The following RIMKLB variants were observed in gnomAD, a reference collection of about 807,000 sequenced individuals.
The protein encoded by RIMKLB is beta-citrylglutamate synthase B.
A neutral mutation model predicts 32.0 loss-of-function variants in RIMKLB; 7 were observed. The ratio of observed to expected loss-of-function variants is 0.22; its 90% CI spans 0.12 to 0.41. The LOEUF is 0.41. Ranked by LOEUF, RIMKLB falls within the 10% of genes least tolerant of loss-of-function variation. RIMKLB has a pLI of 1.00. For synonymous variants in RIMKLB, 172 were observed against 185.1 expected (o/e 0.93, Z 0.57); for missense variants, 289 against 498.7 (o/e 0.58, Z 4.00).
chr12:8,767,642 C>A (rs1950078582), intron 5 of RIMKLB, among the ~76,000 whole-genome samples: 1 of 152,180 alleles, frequency 6.6e-6, no homozygotes, highest in African/African-American at 2.4e-5. Context: ...GCGCCATGAT[C>A]TCAACCGGCT....
upstream of RIMKLB, among the ~76,000 whole-genome samples, chr12:8,678,135 A>G (rs1437108255): frequency 6.6e-6 from 1 of 151,386 alleles, no homozygotes; most frequent in East Asian, 1.9e-4. Flanking sequence ...CAGTTCTTCA[A>G]AAGCTCAGAA....
At position 8,699,080 on chromosome 12, in the gene RIMKLB, T is replaced by C. The variant is rs942771753; in HGVS notation, c.-57+783T>C. On this transcript the variant is annotated intron_variant, in intron 1 of 5. Coordinates refer to ENST00000535829, the MANE Select transcript of RIMKLB (RefSeq NM_001297776.2). Reference sequence around the variant, plus strand: ...TCCCATTTGTATTGGCGAATAGCGATGGGGTGGTAATTCTGTTCTGTGAGG... The same window carrying C: ...TCCCATTTGTATTGGCGAATAGCGACGGGGTGGTAATTCTGTTCTGTGAGG... 2.0e-5 allele frequency among the ~76,000 whole-genome samples: 3 copies of C among 152,152 alleles called. No homozygotes were observed. In the South Asian group the frequency reaches 6.2e-4, roughly 32 times the overall value.
At chr12:8,769,831 G>A (rs1043972845) in intron 5 of RIMKLB, among the ~76,000 whole-genome samples, 1 of 152,100 alleles carries the variant, frequency 6.6e-6, no homozygotes, top group African/African-American at 2.4e-5. Flanking sequence ...CTTTCCCCTG[G>A]TGTTCCTTGT....
chr12:8,761,866 G>T (rs929598365), intron 5 of RIMKLB, among the ~76,000 whole-genome samples: 6 of 152,154 alleles, frequency 3.9e-5, no homozygotes, highest in Non-Finnish European at 7.3e-5. Flanking sequence ...CTCGGGAGGG[G>T]TGCCTTCGAT....
chr12:8,765,397 A>G (rs1352034221), intron 5 of RIMKLB, among the ~76,000 whole-genome samples: 1 of 152,074 alleles, frequency 6.6e-6, no homozygotes, highest in Non-Finnish European at 1.5e-5. Flanking sequence ...TTGTCATCCT[A>G]TCATTGACCT....
At chr12:8,674,824 A>G in the RIMKLB span, among the ~76,000 whole-genome samples, 742 of 150,710 alleles carry the variant, frequency 4.9e-3, 3 homozygotes, top group Non-Finnish European at 7.2e-3. Context: ...TACTAGAATT[A>G]CAGTCATGAG....
chr12:8,742,102 G>T (rs1383607381), intron 2 of RIMKLB, among the ~76,000 whole-genome samples: 3 of 151,578 alleles, frequency 2.0e-5, no homozygotes, highest in Non-Finnish European at 4.4e-5. Context: ...GTTTCACCAT[G>T]TTGGCCAGGC....
At chr12:8,718,163 A>G (rs1370367896) in intron 2 of RIMKLB, among the ~76,000 whole-genome samples, 2 of 152,194 alleles carry the variant, frequency 1.3e-5, no homozygotes, top group African/African-American at 2.4e-5. Context: ...AATCAGATCT[A>G]GGTAAAAAAG....
intron 1 of RIMKLB, among the ~76,000 whole-genome samples, chr12:8,686,460 CT>C (rs113131504): frequency 0.23 from 32,270 of 143,102 alleles, 3,570 homozygotes; most frequent in Middle Eastern, 0.26. Flanking sequence ...TTTTTCTTTT[CT>C]TTTTTTTTTT....
chr12:8,731,030 G>T (rs902650798), intron 2 of RIMKLB, among the ~76,000 whole-genome samples: 21 of 151,634 alleles, frequency 1.4e-4, no homozygotes, highest in Admixed American at 7.9e-4. Context: ...GTGAGCCACC[G>T]TGCCCGGCCT....
At chr12:8,779,225 A>G (rs965180355), downstream of RIMKLB, 1 of 152,202 alleles carries the variant, frequency 6.6e-6, no homozygotes, top group African/African-American at 2.4e-5. Context: ...TTTGAATACC[A>G]CTGACTTGTT....
intron 1 of RIMKLB, among the ~76,000 whole-genome samples, chr12:8,699,604 G>A (rs1002381795): frequency 6.6e-6 from 1 of 152,028 alleles, no homozygotes; most frequent in Non-Finnish European, 1.5e-5. Context: ...TGTGTCAAAG[G>A]GGAGGAGGCC....
the RIMKLB span, among the ~76,000 whole-genome samples, chr12:8,676,442 A>G: frequency 9.0e-6 from 1 of 110,862 alleles, no homozygotes; most frequent in Non-Finnish European, 1.7e-5. Context: ...TCTGTTGCCC[A>G]GGCTGGAGTG....
chr12:8,690,908 C>A (rs1002356830), intron 1 of RIMKLB, among the ~76,000 whole-genome samples: 1 of 151,918 alleles, frequency 6.6e-6, no homozygotes, highest in East Asian at 1.9e-4. Context: ...GGCGACAGAG[C>A]GAGAGTCCGT....
upstream of RIMKLB, among the ~76,000 whole-genome samples, chr12:8,696,244 T>C (rs768995821): frequency 1.3e-5 from 2 of 152,246 alleles, no homozygotes; most frequent in Admixed American, 6.5e-5. Context: ...CAAGCTTCCC[T>C]TGATCACAAA....
chr12:8,719,776 G>GAT (rs1457986508), intron 2 of RIMKLB, among the ~76,000 whole-genome samples: 1 of 152,170 alleles, frequency 6.6e-6, no homozygotes. Flanking sequence ...ACAGCAAAAA[G>GAT]ATATATAGAA....
rs540292639 is a variant in RIMKLB, at chr12:8,689,056, G to A, written n.219+7238G>A. 4.4e-4 allele frequency among the ~76,000 whole-genome samples: 67 copies of A among 152,226 alleles called. 1 individual carries two copies. The South Asian group carries it at 6.8e-3, about 16-fold the overall frequency. Reference sequence around the variant, plus strand: ...TCGCCATGTTGGCCAGGCTAGTCTCGAACTCCTGACCTCAGCTGATCTGCC... The same window carrying A: ...TCGCCATGTTGGCCAGGCTAGTCTCAAACTCCTGACCTCAGCTGATCTGCC... On this transcript the variant is annotated intron_variant and non_coding_transcript_variant, in intron 1 of 1. Coordinates refer to the RIMKLB transcript ENST00000538758.
At chr12:8,731,779 T>A (rs1946572633) in intron 2 of RIMKLB, among the ~76,000 whole-genome samples, 1 of 152,178 alleles carries the variant, frequency 6.6e-6, no homozygotes, top group Non-Finnish European at 1.5e-5. Context: ...GATTTTTTTT[T>A]AACTTTTTTA....
intron 2 of RIMKLB, among the ~76,000 whole-genome samples, chr12:8,733,190 T>C (rs769586809): frequency 8.7e-4 from 133 of 152,146 alleles, no homozygotes; most frequent in Non-Finnish European, 2.5e-4. Context: ...CTGCTAAATA[T>C]CTCGTAAGGC....
Sources: allele counts gnomAD v4.1 joint callset (sites outside exome capture counted in the v4.1 genomes callset), GRCh38; gene constraint gnomAD v4.1.1; transcripts MANE v1.5; gene names NCBI Gene and HGNC (gene_info 2026-07-23, HGNC 2026-07-21).